Variants in NAV3 observed in about 807,000 individuals in gnomAD.
The protein encoded by NAV3 is neuron navigator 3.
In NAV3, 87 loss-of-function variants were observed where a neutral mutation model predicts 244.7. That is an observed-to-expected ratio of 0.36 (90% CI 0.30 to 0.42). The LOEUF (loss-of-function observed/expected upper bound fraction) is 0.42, where lower values mean the gene tolerates loss of function less well. NAV3 is among the 20% of genes least tolerant of loss of function. NAV3 has a pLI of 1.00. For missense variants in NAV3, 2,663 were observed against 2,893.3 expected (o/e 0.92, Z 1.83); for synonymous variants, 1,126 against 1,042.2 (o/e 1.08, Z -1.55).
intron 2 of NAV3, among the ~76,000 whole-genome samples, chr12:77,648,897 A>G (rs2136981824): frequency 6.6e-6 from 1 of 152,146 alleles, no homozygotes; most frequent in Middle Eastern, 3.4e-3. Context: ...ATTGTTTCTG[A>G]CATAATTCAT....
At chr12:77,769,369 C>T (rs948172130) in intron 2 of NAV3, among the ~76,000 whole-genome samples, 1 of 152,120 alleles carries the variant, frequency 6.6e-6, no homozygotes, top group Admixed American at 6.5e-5. Flanking sequence ...TCAGTAATAG[C>T]TAACAGAACA....
chr12:77,913,567 G>A (rs1886833019), intron 1 of NAV3, among the ~76,000 whole-genome samples: 1 of 151,952 alleles, frequency 6.6e-6, no homozygotes, highest in South Asian at 2.1e-4. Context: ...TATTAACATA[G>A]TTTGATTTTT....
At chr12:77,836,111 C>T (rs1417424465) in intron 1 of NAV3, among the ~76,000 whole-genome samples, 1 of 152,200 alleles carries the variant, frequency 6.6e-6, no homozygotes, top group African/African-American at 2.4e-5. Flanking sequence ...TCTTCCTGGG[C>T]ATACACCCAA....
chr12:77,626,154 CA>C (rs1871610445), intron 2 of NAV3, among the ~76,000 whole-genome samples: 1 of 150,846 alleles, frequency 6.6e-6, no homozygotes, highest in Non-Finnish European at 1.5e-5. Context: ...GTAAAAGTAA[CA>C]AATACAACTG....
intron 12 of NAV3, among the ~76,000 whole-genome samples, chr12:78,073,750 A>G (rs1027296536): frequency 6.6e-6 from 1 of 152,202 alleles, no homozygotes; most frequent in African/African-American, 2.4e-5. Context: ...CTAAGCCAAA[A>G]AAACAAAGCT....
chr12:77,727,153 C>T (rs981830785), intron 2 of NAV3, among the ~76,000 whole-genome samples: 6 of 151,848 alleles, frequency 4.0e-5, no homozygotes, highest in Admixed American at 1.3e-4. Context: ...GTTGGTGATG[C>T]CATGATTCCA....
intron 2 of NAV3, among the ~76,000 whole-genome samples, chr12:77,810,317 G>T (rs962798303): frequency 6.6e-6 from 1 of 151,982 alleles, no homozygotes; most frequent in Non-Finnish European, 1.5e-5. Flanking sequence ...GACTACAGGC[G>T]CCCGCCACCA....
At chr12:77,886,513 T>C (rs112935862) in intron 1 of NAV3, among the ~76,000 whole-genome samples, 3 of 152,316 alleles carry the variant, frequency 2.0e-5, no homozygotes, top group African/African-American at 7.2e-5. Context: ...TTTAAAATTA[T>C]AGCAAATTGG....
intron 3 of NAV3, among the ~76,000 whole-genome samples, chr12:77,941,384 AT>A (rs1321559813): frequency 2.0e-5 from 3 of 152,164 alleles, no homozygotes; most frequent in African/African-American, 7.2e-5. Flanking sequence ...GCTGTTCTGT[AT>A]AATTTAACAC....
At chr12:77,657,168 G>T (rs911700157) in intron 2 of NAV3, among the ~76,000 whole-genome samples, 34 of 151,098 alleles carry the variant, frequency 2.3e-4, no homozygotes, top group South Asian at 1.9e-3. Flanking sequence ...GAATCCAGGA[G>T]CTGGTTTTTT....
At chr12:78,190,832 G>A (rs919202477) in intron 34 of NAV3, among the ~76,000 whole-genome samples, 17 of 152,108 alleles carry the variant, frequency 1.1e-4, no homozygotes, top group Non-Finnish European at 8.8e-5. Flanking sequence ...AAAAAGGCAT[G>A]AGGGCCTATA....
intron 5 of NAV3, among the ~76,000 whole-genome samples, chr12:77,973,995 AACTG>A (rs375583487): frequency 5.0e-4 from 76 of 152,266 alleles, no homozygotes; most frequent in African/African-American, 1.8e-3. Flanking sequence ...AGTTATTCTT[AACTG>A]ACTGCATTTG....
intron 2 of NAV3, among the ~76,000 whole-genome samples, chr12:77,603,953 G>T (rs1402700788): frequency 1.3e-5 from 2 of 152,082 alleles, no homozygotes; most frequent in Non-Finnish European, 2.9e-5. Context: ...AGTCTGTATT[G>T]GATAAATTTA....
At chr12:77,870,667 A>G (rs1880815899) in intron 1 of NAV3, among the ~76,000 whole-genome samples, 1 of 152,164 alleles carries the variant, frequency 6.6e-6, no homozygotes, top group South Asian at 2.1e-4. Context: ...AAAGGAAGTG[A>G]ACAGAGTGGG....
chr12:78,118,874 A>T (rs1955539756), intron 14 of NAV3, among the ~76,000 whole-genome samples: 1 of 152,230 alleles, frequency 6.6e-6, no homozygotes, highest in South Asian at 2.1e-4. Flanking sequence ...TGAAGCACTA[A>T]TTAACAGGGT....
chr12:77,705,276 T>C (rs1046282596), intron 2 of NAV3, among the ~76,000 whole-genome samples: 1 of 151,402 alleles, frequency 6.6e-6, no homozygotes, highest in African/African-American at 2.4e-5. Context: ...AAAAATCAGC[T>C]GGGTGTGGTA....
At chr12:78,177,716 A>G in intron 28 of NAV3, 31 bp downstream of exon 28, 15 of 1,585,396 alleles carry the variant, frequency 9.5e-6, no homozygotes, top group Non-Finnish European at 1.3e-5. Flanking sequence ...TGAATACTGC[A>G]AAGATCCAGG....
chr12:77,693,419 A>G (rs1162954947), intron 2 of NAV3, among the ~76,000 whole-genome samples: 2 of 151,898 alleles, frequency 1.3e-5, no homozygotes, highest in African/African-American at 4.8e-5. Flanking sequence ...TATAACCTAG[A>G]AATCATTTGC....
At chr12:77,805,789 C>A (rs1379918470) in intron 2 of NAV3, among the ~76,000 whole-genome samples, 2 of 152,170 alleles carry the variant, frequency 1.3e-5, no homozygotes. Context: ...GTGAATCCTT[C>A]TGGTCCTGGG....
Sources: allele counts gnomAD v4.1 joint callset (sites outside exome capture counted in the v4.1 genomes callset), GRCh38; gene constraint gnomAD v4.1.1; transcripts MANE v1.5; gene names NCBI Gene and HGNC (gene_info 2026-07-23, HGNC 2026-07-21).